Variants in ZFP62 observed in about 807,000 individuals in gnomAD.
ZFP62 encodes the protein zinc finger protein 62 homolog.
In ZFP62, 44 loss-of-function variants were observed where a neutral mutation model predicts 56.4. That is an observed-to-expected ratio of 0.78 (90% CI 0.61 to 1.00). The LOEUF is 1.00. Among genes scored for constraint, ZFP62 ranks in the 50% least tolerant of loss-of-function variants. ZFP62 has a pLI of 0.00. For synonymous variants in ZFP62, 421 were observed against 388.9 expected (o/e 1.08, Z -0.97); for missense variants, 1,030 against 1,085.7 (o/e 0.95, Z 0.72).
the ZFP62 span, chr5:180,834,647 G>A: frequency 1.3e-5 from 2 of 151,894 alleles, no homozygotes; most frequent in African/African-American, 2.4e-5. Flanking sequence ...CCCAGTCTAT[G>A]GTAACTTGCT....
chr5:180,837,357 GGTTT>G, the ZFP62 span, among the ~76,000 whole-genome samples: 1 of 152,156 alleles, frequency 6.6e-6, no homozygotes, highest in Non-Finnish European at 1.5e-5. Flanking sequence ...CTGTTTTGTG[GGTTT>G]GTTTTGCATT....
At chr5:180,839,171 C>G in the ZFP62 span, among the ~76,000 whole-genome samples, 352 of 152,308 alleles carry the variant, frequency 2.3e-3, 2 homozygotes, top group African/African-American at 8.3e-3. Context: ...AGTCAGGTTC[C>G]TTTTGTTAAA....
intron 1 of ZFP62, among the ~76,000 whole-genome samples, chr5:180,854,828 A>G (rs1773888796): frequency 6.6e-6 from 1 of 152,220 alleles, no homozygotes; most frequent in African/African-American, 2.4e-5. Context: ...CATAAAAGAC[A>G]AAGAAGAGCT....
At chr5:180,837,031 C>T in the ZFP62 span, among the ~76,000 whole-genome samples, 1 of 152,238 alleles carries the variant, frequency 6.6e-6, no homozygotes, top group African/African-American at 2.4e-5. Context: ...CCCTCAGTGT[C>T]CACAGACATA....
the ZFP62 span, among the ~76,000 whole-genome samples, chr5:180,829,573 T>C: frequency 6.6e-6 from 1 of 152,242 alleles, no homozygotes; most frequent in Non-Finnish European, 1.5e-5. Flanking sequence ...GTTGAAATAT[T>C]GGGGGTGGGT....
At chr5:180,860,815 A>T (rs1420842525) in intron 1 of ZFP62, 1 of 227,862 alleles carries the variant, frequency 4.4e-6, no homozygotes. Context: ...ACTTAACTGC[A>T]GAGGGAGCAC....
At chr5:180,854,863 G>A (rs1355463537) in intron 1 of ZFP62, among the ~76,000 whole-genome samples, 1 of 152,176 alleles carries the variant, frequency 6.6e-6, no homozygotes, top group Non-Finnish European at 1.5e-5. Context: ...GATTAAAGAA[G>A]GCTAAAGAGA....
chr5:180,850,130 C>G lies in ZFP62; in HGVS notation c.1365G>C (p.Gly455=). ...GGCCTGCATTGTTTCTGAACGTTTT[C>G]CCACACACATCACATACATAAGGTC... ...GERPYVCDVC[G]KTFRNNAGLK... is the part of the protein sequence containing the mutation. The change falls in exon 2 of 2, where the codon GGG becomes GGC. Residue 455 remains glycine, a synonymous_variant. Transcript: ENST00000502412. 6.4e-7 allele frequency: 1 copy of G among 1,551,748 alleles called. No individual in the cohort carries two copies. Among genetic ancestry groups the G allele is most frequent in the Non-Finnish European group, 8.7e-7 (1 of 1,147,026 alleles).
In ZFP62 at chr5:180,850,646, G is replaced by A. The variant is rs1436609213; in HGVS notation, c.849C>T (p.Cys283=). ...RIHTGEKPYE[C]DICGKTFSNS... is the part of the protein sequence containing the mutation. ...TACTGAAGGTTTTCCCACAGATGTC[G>A]CATTCATAGGGCTTCTCCCCCGTGT... The change falls in exon 2 of 2, where the codon TGC becomes TGT. Residue 283 remains cysteine (C), a synonymous_variant. Transcript: ENST00000502412. 39 of 1,581,158 alleles carry A rather than the reference G, an allele frequency of 2.5e-5. No individual in the cohort carries two copies. The highest frequency in any genetic ancestry group is 3.7e-5 in the Admixed American group (2 of 54,246).
chr5:180,851,500 C>G lies in ZFP62; in HGVS notation c.2-7G>C, dbSNP rs1276468699. The stretch of plus-strand genomic sequence containing the variant: ...CTCGTCTTCAAATGTGACACTAAAC[C>G]AAGAAAATGAAAAGGACACCTATTC... On this transcript the variant is annotated splice_polypyrimidine_tract_variant and splice_region_variant and intron_variant, in intron 1 of 1. Transcript: ENST00000502412. The G allele has an allele frequency of 1.3e-6, 2 of 1,515,202 alleles. No homozygotes were observed. Among genetic ancestry groups the G allele is most frequent in the Non-Finnish European group, 8.8e-7 (1 of 1,131,666 alleles). 93.9% of individuals were successfully genotyped at this position (1,515,202 alleles called of 1,614,324 possible). A position where few individuals can be genotyped will look rare whatever the true frequency, so the allele number is the denominator to read the frequency against.
chr5:180,857,346 T>TA (rs1774042312), intron 1 of ZFP62, among the ~76,000 whole-genome samples: 1 of 152,162 alleles, frequency 6.6e-6, no homozygotes, highest in Non-Finnish European at 1.5e-5. Context: ...AGCATTCCTT[T>TA]AAAAGTGTAA....
chr5:180,842,349 T>A, the ZFP62 span, among the ~76,000 whole-genome samples: 21 of 151,830 alleles, frequency 1.4e-4, no homozygotes, highest in African/African-American at 4.1e-4. Flanking sequence ...CCAAAACTCA[T>A]GAAAGATAAA....
chr5:180,843,051 A>AT (rs1561897994), downstream of ZFP62, among the ~76,000 whole-genome samples: 44 of 149,432 alleles, frequency 2.9e-4, 1 homozygote, highest in East Asian at 9.7e-4. Context: ...CAAAAAAAAA[A>AT]AATAAATAAA....
Position 180,849,363 on chromosome 5 carries a change from A to G in ZFP62, c.2132T>C (p.Phe711Ser). Reference protein sequence around the residue: ...HTCDECGKAFFSSRTLISHKR... With the variant: ...HTCDECGKAFSSSRTLISHKR... Reference sequence around the variant, plus strand: ...ATGGCTTATAAGAGTTCTGCTTGAGAAAAAAGCTTTTCCACATTCATCACA... The same window carrying G: ...ATGGCTTATAAGAGTTCTGCTTGAGGAAAAAGCTTTTCCACATTCATCACA... The change falls in exon 2 of 2, where the codon TTC (phenylalanine) becomes TCC (serine). Residue 711 changes from phenylalanine to serine, a missense_variant. By Grantham distance (155) the Phe-to-Ser change is radical. Transcript: ENST00000502412. 2.6e-6 allele frequency: 4 copies of G among 1,551,696 alleles called. No homozygotes were observed. Among genetic ancestry groups the G allele is most frequent in the Non-Finnish European group, 3.5e-6 (4 of 1,147,036 alleles).
the ZFP62 span, among the ~76,000 whole-genome samples, chr5:180,839,649 T>A: frequency 6.6e-6 from 1 of 152,068 alleles, no homozygotes; most frequent in African/African-American, 2.4e-5. Flanking sequence ...TCAGAAAAAA[T>A]TCCTATTGGG....
chr5:180,851,039 A>G lies in ZFP62; in HGVS notation c.456T>C (p.Tyr152=), dbSNP rs1205936889. Residue 152 remains tyrosine, a synonymous_variant, in exon 2 of 2, where the codon TAT becomes TAC. Coordinates refer to ENST00000502412, the MANE Select transcript of ZFP62 (RefSeq NM_001172638.2). ...KCDECGKSFK[Y]NSRLVQHKIM... ...TTTTATGTTGAACAAGGCGGGAATT[A>G]TATTTGAAGGATTTCCCACATTCAT... is the stretch of plus-strand genomic sequence containing the variant. 3.2e-6 allele frequency: 5 copies of G among 1,551,600 alleles called. No homozygotes were observed. The East Asian group carries it at 1.2e-4, about 38-fold the overall frequency.
chr5:180,842,714 C>T (rs1773333253), downstream of ZFP62, among the ~76,000 whole-genome samples: 1 of 151,966 alleles, frequency 6.6e-6, no homozygotes, highest in South Asian at 2.1e-4. Flanking sequence ...AAAATGTCCC[C>T]AAATAAAAAA....
chr5:180,855,532 C>A (rs1213407683), intron 1 of ZFP62, among the ~76,000 whole-genome samples: 1 of 152,122 alleles, frequency 6.6e-6, no homozygotes, highest in East Asian at 1.9e-4. Context: ...TCCACATATT[C>A]CCCTGGGAGC....
chr5:180,843,681 G>A (rs893428266), downstream of ZFP62, among the ~76,000 whole-genome samples: 2 of 152,152 alleles, frequency 1.3e-5, no homozygotes, highest in South Asian at 2.1e-4. Context: ...CTATATCTAA[G>A]TAGAGATAAC....
Sources: gnomAD v4.1 joint callset for allele counts (sites outside exome capture counted in the v4.1 genomes callset) on GRCh38, gnomAD v4.1.1 for gene constraint, MANE v1.5 for transcripts, NCBI Gene and HGNC (gene_info 2026-07-23, HGNC 2026-07-21) for gene names.